Variants in MAST4 observed in about 807,000 individuals in gnomAD.
MAST4 encodes the protein microtubule-associated serine/threonine-protein kinase 4.
MAST4 carries 89 observed loss-of-function variants against 162.7 expected under a neutral mutation model. The ratio of observed to expected loss-of-function variants is 0.55; its 90% CI spans 0.46 to 0.65. MAST4 has a LOEUF of 0.65. Among genes scored for constraint, MAST4 ranks in the 30% least tolerant of loss-of-function variants. MAST4 has a pLI of 0.00. For synonymous variants in MAST4, 1,479 were observed against 1,361.1 expected (o/e 1.09, Z -1.91); for missense variants, 3,153 against 3,374.0 (o/e 0.93, Z 1.62).
intron 1 of MAST4, among the ~76,000 whole-genome samples, chr5:66,617,961 C>A (rs957246997): frequency 4.6e-5 from 7 of 151,746 alleles, no homozygotes; most frequent in African/African-American, 1.7e-4. Flanking sequence ...TTGGTCCCTG[C>A]TTTGACTCCA....
chr5:66,818,511 A>G (rs1448768439), intron 3 of MAST4, among the ~76,000 whole-genome samples: 1 of 152,096 alleles, frequency 6.6e-6, no homozygotes, highest in Non-Finnish European at 1.5e-5. Context: ...CTCTTGCTCA[A>G]CTAGATAAAT....
intron 1 of MAST4, among the ~76,000 whole-genome samples, chr5:66,661,179 A>C (rs1746886382): frequency 6.6e-6 from 1 of 152,194 alleles, no homozygotes; most frequent in Admixed American, 6.5e-5. Flanking sequence ...ATTCTCAATG[A>C]AGGAAACATG....
intron 4 of MAST4, among the ~76,000 whole-genome samples, chr5:66,969,115 G>A (rs563361104): frequency 6.6e-6 from 1 of 152,190 alleles, no homozygotes; most frequent in Non-Finnish European, 1.5e-5. Context: ...TGAATTGGGG[G>A]CTGCTTTTAC....
At chr5:66,614,976 G>A (rs545245703) in intron 1 of MAST4, among the ~76,000 whole-genome samples, 7 of 152,178 alleles carry the variant, frequency 4.6e-5, no homozygotes, top group African/African-American at 1.7e-4. Flanking sequence ...ACTTTGTGTT[G>A]TCTTTTTCTG....
At chr5:66,783,963 T>G (rs904192352) in intron 2 of MAST4, among the ~76,000 whole-genome samples, 26 of 152,136 alleles carry the variant, frequency 1.7e-4, no homozygotes, top group African/African-American at 6.3e-4. Context: ...TCCTAGCTTA[T>G]GAATTTCCTG....
At chr5:66,815,282 C>A (rs1440861920) in intron 3 of MAST4, among the ~76,000 whole-genome samples, 1 of 152,164 alleles carries the variant, frequency 6.6e-6, no homozygotes, top group African/African-American at 2.4e-5. Context: ...GAAAACTGAG[C>A]AGTAAAATTA....
At chr5:66,862,637 C>T (rs1457000387) in intron 3 of MAST4, among the ~76,000 whole-genome samples, 1 of 152,190 alleles carries the variant, frequency 6.6e-6, no homozygotes, top group African/African-American at 2.4e-5. Flanking sequence ...TTGTCAATGC[C>T]ATGATTTCCA....
At chr5:66,841,695 A>G (rs992775512) in intron 3 of MAST4, among the ~76,000 whole-genome samples, 1 of 152,162 alleles carries the variant, frequency 6.6e-6, no homozygotes, top group Non-Finnish European at 1.5e-5. Context: ...CCCCATCTCT[A>G]AATGTTAATA....
chr5:67,005,164 C>A, intron 4 of MAST4: 2 of 715,640 alleles, frequency 2.8e-6, no homozygotes, highest in Non-Finnish European at 5.2e-6. Flanking sequence ...GCCTGAGCCC[C>A]TCAGGAGCTG....
At chr5:67,027,942 A>G (rs2150416389) in intron 4 of MAST4, among the ~76,000 whole-genome samples, 1 of 152,296 alleles carries the variant, frequency 6.6e-6, no homozygotes, top group African/African-American at 2.4e-5. Context: ...AGCACCTTCC[A>G]TGTGTTAGGG....
intron 5 of MAST4, among the ~76,000 whole-genome samples, chr5:67,078,927 T>TATTTTTATATAAATAA (rs1762225147): frequency 1.2e-5 from 1 of 84,308 alleles, no homozygotes; most frequent in Non-Finnish European, 2.1e-5. Flanking sequence ...TATATATATA[T>TATTTTTATATAAATAA]ATATATATAT....
At chr5:67,065,578 G>C (rs917877676) in intron 5 of MAST4, among the ~76,000 whole-genome samples, 3 of 152,184 alleles carry the variant, frequency 2.0e-5, no homozygotes, top group African/African-American at 7.2e-5. Context: ...TAGACAGAAG[G>C]CTGAATGCTC....
intron 1 of MAST4, among the ~76,000 whole-genome samples, chr5:66,654,433 A>G (rs1746422695): frequency 6.6e-6 from 1 of 152,140 alleles, no homozygotes; most frequent in Non-Finnish European, 1.5e-5. Flanking sequence ...AGAGGTAGAG[A>G]TGGAGTGGTC....
At chr5:66,600,064 A>G (rs1742457632) in intron 1 of MAST4, among the ~76,000 whole-genome samples, 1 of 152,180 alleles carries the variant, frequency 6.6e-6, no homozygotes, top group African/African-American at 2.4e-5. Context: ...AGTAATGTCA[A>G]CAGAGTTTGA....
chr5:67,142,333 CA>C, intron 20 of MAST4, 87 bp from the exon 21 acceptor site: 2 of 1,535,424 alleles, frequency 1.3e-6, no homozygotes, highest in Non-Finnish European at 1.8e-6. Context: ...AGTTCTTAAA[CA>C]TAATGTTGAT....
chr5:67,018,987 A>G (rs1753652817), intron 4 of MAST4, among the ~76,000 whole-genome samples: 2 of 152,224 alleles, frequency 1.3e-5, no homozygotes, highest in Admixed American at 1.3e-4. Flanking sequence ...AACTTGGCAG[A>G]GTAATATTTT....
intron 1 of MAST4, among the ~76,000 whole-genome samples, chr5:66,687,051 T>G (rs1170605894): frequency 6.6e-6 from 1 of 152,190 alleles, no homozygotes; most frequent in African/African-American, 2.4e-5. Context: ...AGTTGTTTGA[T>G]TTTGTAGCTT....
chr5:67,017,779 A>G (rs140378707), intron 4 of MAST4, among the ~76,000 whole-genome samples: 43 of 151,710 alleles, frequency 2.8e-4, no homozygotes, highest in Admixed American at 1.5e-3. Context: ...TCGTGTTTTT[A>G]GTAGAGACGG....
At chr5:67,154,493 CT>C (rs760506239) in intron 26 of MAST4, among the ~76,000 whole-genome samples, 2 of 152,214 alleles carry the variant, frequency 1.3e-5, no homozygotes, top group Non-Finnish European at 2.9e-5. Flanking sequence ...TATTTTAAAA[CT>C]TCTCTTCCTG....
Sources: gnomAD v4.1 joint callset for allele counts (sites outside exome capture counted in the v4.1 genomes callset) on GRCh38, gnomAD v4.1.1 for gene constraint, MANE v1.5 for transcripts, NCBI Gene and HGNC (gene_info 2026-07-23, HGNC 2026-07-21) for gene names.